Variants in LEF1 observed in about 807,000 individuals in gnomAD.
LEF1 encodes lymphoid enhancer binding factor 1.
In LEF1, 14 loss-of-function variants were observed where a neutral mutation model predicts 51.2. The observed-to-expected ratio is 0.27, with a 90% CI of 0.18 to 0.43. LEF1 has a LOEUF of 0.43. LEF1 is among the 20% of genes least tolerant of loss of function. The pLI is 1.00. For synonymous variants in LEF1, 185 were observed against 183.2 expected (o/e 1.01, Z -0.08); for missense variants, 386 against 512.0 (o/e 0.75, Z 2.37).
At chr4:108,072,168 T>C (rs995943712) in intron 8 of LEF1, 1 of 151,866 alleles carries the variant, frequency 6.6e-6, no homozygotes, top group Non-Finnish European at 1.5e-5. Flanking sequence ...GTTCATGTTT[T>C]TTAAAATGAT....
intron 3 of LEF1, among the ~76,000 whole-genome samples, chr4:108,098,206 G>T (rs1430608380): frequency 6.6e-6 from 1 of 152,142 alleles, no homozygotes; most frequent in Non-Finnish European, 1.5e-5. Context: ...TGCCACCACA[G>T]CCACACCTCT....
chr4:108,079,498 A>G lies in LEF1; in HGVS notation c.839T>C (p.Met280Thr). Residue 280 changes from methionine (M) to threonine (T), a missense_variant, in exon 7 of 12, where the codon ATG (methionine) becomes ACG (threonine). This residue lies in a region of LEF1 where 335 missense variants were observed against 390.7 expected (regional missense o/e 0.86). Coordinates refer to ENST00000265165, the MANE Select transcript of LEF1 (RefSeq NM_016269.5). Reference sequence around the variant, plus strand: ...AGCCCGGGTGGATACTTACACGTGCATTAGGTCACTGTCAGTGTGGGGATG... The same window carrying G: ...AGCCCGGGTGGATACTTACACGTGCGTTAGGTCACTGTCAGTGTGGGGATG... The part of the protein sequence containing the change: ...QEHPHTDSDL[M>T]HVKPQHEQRK... 1 of 1,614,126 alleles carries G rather than the reference A, an allele frequency of 6.2e-7. No homozygotes were observed. Among genetic ancestry groups the G allele is most frequent in the South Asian group, 1.1e-5 (1 of 91,080 alleles).
intron 3 of LEF1, among the ~76,000 whole-genome samples, chr4:108,150,864 ATAT>A (rs1191081756): frequency 6.6e-6 from 1 of 152,246 alleles, no homozygotes; most frequent in East Asian, 1.9e-4. Context: ...ACATGCTAGT[ATAT>A]TATTAATACC....
At chr4:108,138,085 C>T (rs989086614) in intron 3 of LEF1, among the ~76,000 whole-genome samples, 8 of 152,178 alleles carry the variant, frequency 5.3e-5, no homozygotes, top group African/African-American at 1.9e-4. Context: ...CCTATTTTTG[C>T]TTCTTCAACA....
At position 108,122,433 on chromosome 4, in the gene LEF1, G is replaced by A. The variant is rs190811186; in HGVS notation, c.415-33176C>T. ...TCTGCATAATTTCTTCAGATCCCTC[G>A]TTTCATTAATTTAGTCAGGTCTAAT... On this transcript the variant is annotated intron_variant, in intron 3 of 11. Transcript: ENST00000265165. Among the ~76,000 whole-genome samples, 322 of 151,734 alleles carry A rather than the reference G, an allele frequency of 2.1e-3. 2 individuals are homozygous for A. The highest frequency in any genetic ancestry group is 7.4e-3 in the African/African-American group (305 of 41,358).
intron 3 of LEF1, among the ~76,000 whole-genome samples, chr4:108,112,822 A>C (rs965194178): frequency 1.3e-5 from 2 of 152,226 alleles, no homozygotes; most frequent in African/African-American, 2.4e-5. Flanking sequence ...TTTTAATCCT[A>C]TACCCTTGTA....
chr4:108,110,352 A>G (rs1170453467), intron 3 of LEF1, among the ~76,000 whole-genome samples: 1 of 152,208 alleles, frequency 6.6e-6, no homozygotes, highest in Non-Finnish European at 1.5e-5. Context: ...GATACATTGC[A>G]GGCATTTACT....
chr4:108,159,398 C>T lies in LEF1; in HGVS notation c.414+4170G>A, dbSNP rs184633169. ...TCAATGTGTTTAGCTTCAAAAAGTG[C>T]ACAACTTAAAATAGAAAAGTGAAAA... On this transcript the variant is annotated intron_variant, in intron 3 of 11. Transcript: ENST00000265165. 5.1e-4 allele frequency among the ~76,000 whole-genome samples: 78 copies of T among 152,266 alleles called. 1 individual carries two copies. Among genetic ancestry groups the T allele is most frequent in the African/African-American group, 1.8e-3 (76 of 41,550 alleles).
Position 108,162,754 on chromosome 4 carries a change from G to GGGCTTT in LEF1, c.414+813_414+814insAAAGCC, listed in dbSNP as rs1460611585. ...ATATTGATGGGTCAGTAAAAAGTCC[G>GGGCTTT]TCACCAACGCTGGTGGGCTAATTCT... is the stretch of plus-strand genomic sequence containing the variant. On this transcript the variant is annotated intron_variant, in intron 3 of 11. Coordinates refer to ENST00000265165, the MANE Select transcript of LEF1 (RefSeq NM_016269.5). 8.5e-5 allele frequency among the ~76,000 whole-genome samples: 13 copies of GGGCTTT among 152,172 alleles called. 1 individual carries two copies. Among genetic ancestry groups the GGGCTTT allele is most frequent in the Admixed American group, 7.9e-4 (12 of 15,282 alleles).
At chr4:108,159,192 G>A (rs924835143) in intron 3 of LEF1, among the ~76,000 whole-genome samples, 2 of 152,096 alleles carry the variant, frequency 1.3e-5, no homozygotes, top group Non-Finnish European at 2.9e-5. Flanking sequence ...AATGGCAAGC[G>A]CTTCCAATTA....
chr4:108,102,076 AAAAG>A (rs1451205662), intron 3 of LEF1, among the ~76,000 whole-genome samples: 2 of 152,050 alleles, frequency 1.3e-5, no homozygotes, highest in African/African-American at 2.4e-5. Flanking sequence ...AAAAAAAAAA[AAAAG>A]AAAGGACGGA....
At chr4:108,050,745 A>G (rs1736932722) in intron 11 of LEF1, among the ~76,000 whole-genome samples, 1 of 152,210 alleles carries the variant, frequency 6.6e-6, no homozygotes, top group African/African-American at 2.4e-5. Flanking sequence ...ACTGGGACTC[A>G]GAATAGACTC....
chr4:108,095,668 C>A (rs898518), intron 3 of LEF1, among the ~76,000 whole-genome samples: 86,878 of 152,002 alleles, frequency 0.57, 25,176 homozygotes, highest in Middle Eastern at 0.72. Context: ...CCTTTTAAAA[C>A]GCATGGAAAA....
At chr4:108,144,739 A>G (rs2110380609) in intron 3 of LEF1, among the ~76,000 whole-genome samples, 1 of 152,146 alleles carries the variant, frequency 6.6e-6, no homozygotes, top group African/African-American at 2.4e-5. Context: ...ACCTCAAATG[A>G]TGTCATTTAG....
intron 3 of LEF1, among the ~76,000 whole-genome samples, chr4:108,152,050 A>G (rs1418203658): frequency 6.6e-6 from 1 of 152,226 alleles, no homozygotes; most frequent in Non-Finnish European, 1.5e-5. Context: ...ACAAACACAA[A>G]GACAAAAAGC....
At chr4:108,077,169 T>G (rs1289891270) in intron 8 of LEF1, among the ~76,000 whole-genome samples, 1 of 151,746 alleles carries the variant, frequency 6.6e-6, no homozygotes, top group African/African-American at 2.4e-5. Context: ...CAATACCACA[T>G]CTCTACAAAA....
chr4:108,056,787 A>G (rs980469505), intron 11 of LEF1, among the ~76,000 whole-genome samples: 6 of 151,926 alleles, frequency 3.9e-5, no homozygotes, highest in Admixed American at 6.6e-5. Flanking sequence ...TCCACCTCCT[A>G]TGCAGCGATC....
At chr4:108,095,773 G>GT (rs1469333514) in intron 3 of LEF1, among the ~76,000 whole-genome samples, 1 of 152,116 alleles carries the variant, frequency 6.6e-6, no homozygotes, top group Non-Finnish European at 1.5e-5. Context: ...TAAGATTTCT[G>GT]TTTTATCGAG....
intron 6 of LEF1, among the ~76,000 whole-genome samples, chr4:108,080,819 G>C (rs1313190851): frequency 6.6e-6 from 1 of 152,112 alleles, no homozygotes; most frequent in Non-Finnish European, 1.5e-5. Context: ...TTCACAACCA[G>C]TTAATAACCC....
Sources: gnomAD v4.1 joint callset for allele counts (sites outside exome capture counted in the v4.1 genomes callset) on GRCh38, gnomAD v4.1.1 for gene constraint, gnomAD v4.1.1 regional missense constraint, MANE v1.5 for transcripts, NCBI Gene and HGNC (gene_info 2026-07-23, HGNC 2026-07-21) for gene names.